The following ARHGEF28 variants were observed in gnomAD, a reference collection of about 807,000 sequenced individuals.
ARHGEF28 encodes 190 kDa guanine nucleotide exchange factor.
In ARHGEF28, 152 loss-of-function variants were observed where a neutral mutation model predicts 206.6. The ratio of observed to expected loss-of-function variants is 0.74; its 90% CI spans 0.64 to 0.84. The LOEUF (loss-of-function observed/expected upper bound fraction) is 0.84. ARHGEF28 is among the 40% of genes least tolerant of loss of function. The pLI is 0.00. For synonymous variants in ARHGEF28, 763 were observed against 776.4 expected (o/e 0.98, Z 0.29); for missense variants, 2,028 against 2,073.2 (o/e 0.98, Z 0.42).
chr5:73,846,167 C>G lies in ARHGEF28; in HGVS notation c.1428-101C>G, dbSNP rs960564039. 8.3e-6 allele frequency: 9 copies of G among 1,078,070 alleles called. No homozygotes were observed. In the East Asian group the frequency reaches 1.6e-4, roughly 19 times the overall value. The allele number at this position is 1,078,070 out of a possible 1,614,324, so 66.8% of individuals were successfully genotyped here. A position where few individuals can be genotyped will look rare whatever the true frequency, so the allele number is the denominator to read the frequency against. On this transcript the variant is annotated intron_variant, in intron 11 of 35. Coordinates refer to ENST00000513042, the MANE Select transcript of ARHGEF28 (RefSeq NM_001177693.2). ...AATTAAATGAATACCTATTGCACCC[C>G]CCCCGCCCCAGTGAAAGAATCTGGA...
chr5:73,882,200 A>G (rs1185784619), intron 22 of ARHGEF28, among the ~76,000 whole-genome samples: 1 of 152,214 alleles, frequency 6.6e-6, no homozygotes, highest in Non-Finnish European at 1.5e-5. Flanking sequence ...AACTAAGATG[A>G]GAATAAAATA....
At chr5:73,738,267 G>C (rs1028876807) in intron 2 of ARHGEF28, among the ~76,000 whole-genome samples, 3 of 152,146 alleles carry the variant, frequency 2.0e-5, no homozygotes, top group African/African-American at 4.8e-5. Flanking sequence ...AGGGATTTCT[G>C]GTCCAAGGTT....
chr5:73,849,275 AT>A (rs1259838513), intron 13 of ARHGEF28, 188 bp downstream of exon 13: 1 of 530,704 alleles, frequency 1.9e-6, no homozygotes, highest in Non-Finnish European at 3.3e-6. Flanking sequence ...TTTTGATCAG[AT>A]TTGATTTTGA....
intron 26 of ARHGEF28, 122 bp downstream of exon 26, chr5:73,887,801 T>TCC (rs1370492770): frequency 6.2e-6 from 5 of 811,650 alleles, no homozygotes; most frequent in Non-Finnish European, 9.3e-6. Context: ...CTGTTATGTT[T>TCC]CCATTATTAC....
intron 9 of ARHGEF28, among the ~76,000 whole-genome samples, chr5:73,829,628 C>T (rs1400646413): frequency 6.6e-6 from 1 of 152,094 alleles, no homozygotes; most frequent in Non-Finnish European, 1.5e-5. Context: ...GATCTGCCTA[C>T]CTCAGCCTCC....
intron 4 of ARHGEF28, among the ~76,000 whole-genome samples, chr5:73,754,893 T>C (rs1384996897): frequency 1.3e-5 from 2 of 151,038 alleles, no homozygotes; most frequent in Non-Finnish European, 3.0e-5. Flanking sequence ...TTTATTTTAT[T>C]TATTTATTTA....
At chr5:73,864,778 G>A (rs1007853186) in intron 16 of ARHGEF28, 39 bp from the exon 17 acceptor site, 1 of 1,581,172 alleles carries the variant, frequency 6.3e-7, no homozygotes, top group Non-Finnish European at 8.7e-7. Flanking sequence ...GACTAATTAA[G>A]TAAGATGGAT....
At chr5:73,692,173 T>C (rs1747872138) in intron 2 of ARHGEF28, among the ~76,000 whole-genome samples, 1 of 152,198 alleles carries the variant, frequency 6.6e-6, no homozygotes, top group South Asian at 2.1e-4. Flanking sequence ...TGTCCTTTAT[T>C]TCTCCCATTT....
rs74351064 is a variant in ARHGEF28, at chr5:73,865,528, A to G, written c.2104-437A>G. Among the ~76,000 whole-genome samples the G allele has an allele frequency of 9.3e-4, 142 of 152,298 alleles. 2 individuals are homozygous for G. The East Asian group carries it at 0.026, about 27-fold the overall frequency. On this transcript the variant is annotated intron_variant, in intron 17 of 35. Transcript: ENST00000513042. ...AACCTCTGTGTCAATAGGAACACAT[A>G]TTGCGTCAGATCACAGAGTTGAGGG...
intron 35 of ARHGEF28, among the ~76,000 whole-genome samples, chr5:73,917,763 GT>G (rs1362590779): frequency 6.6e-6 from 1 of 152,232 alleles, no homozygotes; most frequent in East Asian, 1.9e-4. Context: ...AGCATCAGAG[GT>G]TAGGCCTGGC....
At chr5:73,703,892 C>T (rs564521667) in intron 2 of ARHGEF28, among the ~76,000 whole-genome samples, 35 of 151,910 alleles carry the variant, frequency 2.3e-4, no homozygotes, top group African/African-American at 8.2e-4. Context: ...AAAAATGTGA[C>T]GTGCGCCTGT....
intron 21 of ARHGEF28, among the ~76,000 whole-genome samples, chr5:73,870,842 A>G (rs905226766): frequency 6.6e-6 from 1 of 152,238 alleles, no homozygotes; most frequent in Non-Finnish European, 1.5e-5. Flanking sequence ...AAAAATTTCA[A>G]CTACAAAGTA....
intron 4 of ARHGEF28, among the ~76,000 whole-genome samples, chr5:73,763,794 T>C (rs1221952089): frequency 1.3e-5 from 2 of 152,182 alleles, no homozygotes; most frequent in East Asian, 3.9e-4. Flanking sequence ...CCATAATTGC[T>C]ACTTACAACA....
intron 10 of ARHGEF28, among the ~76,000 whole-genome samples, chr5:73,832,912 C>A (rs76848143): frequency 3.9e-5 from 6 of 152,118 alleles, no homozygotes; most frequent in Non-Finnish European, 7.4e-5. Context: ...ATCGATACAA[C>A]GCATCTATTA....
intron 2 of ARHGEF28, among the ~76,000 whole-genome samples, chr5:73,708,134 G>A (rs910189071): frequency 6.6e-6 from 1 of 151,454 alleles, no homozygotes; most frequent in African/African-American, 2.4e-5. Context: ...TAAAGAGTTT[G>A]TATATGGTTC....
At chr5:73,863,613 A>G (rs560792076) in intron 16 of ARHGEF28, among the ~76,000 whole-genome samples, 4 of 150,896 alleles carry the variant, frequency 2.7e-5, no homozygotes, top group East Asian at 2.0e-4. Context: ...CTTTCATTCT[A>G]TTTTACTGAG....
At chr5:73,806,815 A>G (rs1296967390) in intron 9 of ARHGEF28, among the ~76,000 whole-genome samples, 3 of 132,526 alleles carry the variant, frequency 2.3e-5, no homozygotes, top group African/African-American at 9.0e-5. Context: ...TATATGTGCC[A>G]TATATACGAT....
chr5:73,673,028 A>C (rs564251224), intron 1 of ARHGEF28, among the ~76,000 whole-genome samples: 1 of 152,320 alleles, frequency 6.6e-6, no homozygotes, highest in African/African-American at 2.4e-5. Flanking sequence ...CTCCCCACTG[A>C]GTTTACCAAA....
At chr5:73,811,329 A>G (rs560090172) in intron 9 of ARHGEF28, among the ~76,000 whole-genome samples, 2 of 152,350 alleles carry the variant, frequency 1.3e-5, no homozygotes, top group Non-Finnish European at 2.9e-5. Context: ...GTTGTGCTAA[A>G]TAAAATACAA....
Sources: allele counts gnomAD v4.1 joint callset (sites outside exome capture counted in the v4.1 genomes callset), GRCh38; gene constraint gnomAD v4.1.1; transcripts MANE v1.5; gene names NCBI Gene and HGNC (gene_info 2026-07-23, HGNC 2026-07-21).